PTPRD: variants seen among roughly 807,000 people sequenced by gnomAD.
PTPRD encodes protein tyrosine phosphatase receptor type D, also known as receptor-type tyrosine-protein phosphatase delta.
In PTPRD, 34 loss-of-function variants were observed where a neutral mutation model predicts 214.5. The observed-to-expected ratio is 0.16, with a 90% CI of 0.12 to 0.21. The LOEUF (loss-of-function observed/expected upper bound fraction) is 0.21, where lower values mean the gene tolerates loss of function less well. Ranked by LOEUF, PTPRD falls within the 10% of genes least tolerant of loss-of-function variation. PTPRD has a pLI of 1.00. For synonymous variants in PTPRD, 1,128 were observed against 845.7 expected (o/e 1.33, Z -5.79); for missense variants, 2,545 against 2,398.7 (o/e 1.06, Z -1.27).
chr9:9,500,580 C>T (rs2096377232), intron 8 of PTPRD, among the ~76,000 whole-genome samples: 1 of 142,068 alleles, frequency 7.0e-6, no homozygotes, highest in Non-Finnish European at 1.5e-5. Context: ...AGAGTGGGTT[C>T]CCTGTGGAAC....
At chr9:9,824,295 A>C (rs2051889623) in intron 5 of PTPRD, among the ~76,000 whole-genome samples, 1 of 151,970 alleles carries the variant, frequency 6.6e-6, no homozygotes, top group Non-Finnish European at 1.5e-5. Flanking sequence ...TACTATTTCT[A>C]CTTTCTTCAT....
chr9:10,204,248 C>T (rs401118), intron 3 of PTPRD, among the ~76,000 whole-genome samples: 22,356 of 152,018 alleles, frequency 0.15, 1,944 homozygotes, highest in East Asian at 0.4. Context: ...GTGAAAATCT[C>T]TTTGGGTTTG....
At chr9:9,164,548 T>C (rs2099897747) in intron 10 of PTPRD, among the ~76,000 whole-genome samples, 1 of 152,202 alleles carries the variant, frequency 6.6e-6, no homozygotes, top group African/African-American at 2.4e-5. Flanking sequence ...GAGGGTATTA[T>C]ACTGCCTTTC....
chr9:8,704,489 C>T (rs1003406357), intron 12 of PTPRD, among the ~76,000 whole-genome samples: 3 of 152,112 alleles, frequency 2.0e-5, no homozygotes, highest in Non-Finnish European at 4.4e-5. Context: ...TGAGTCCTAG[C>T]TCATTACGTA....
chr9:9,513,217 A>C (rs1407696748), intron 8 of PTPRD, among the ~76,000 whole-genome samples: 1 of 151,970 alleles, frequency 6.6e-6, no homozygotes, highest in Non-Finnish European at 1.5e-5. Context: ...AGGATTTCAA[A>C]CAACTATAAA....
chr9:10,504,637 C>T (rs779133733), intron 2 of PTPRD, among the ~76,000 whole-genome samples: 12 of 152,052 alleles, frequency 7.9e-5, no homozygotes, highest in Non-Finnish European at 1.5e-4. Flanking sequence ...ATTGCACAAC[C>T]CTATGAGGTA....
chr9:8,997,467 T>G, intron 11 of PTPRD, among the ~76,000 whole-genome samples: 1 of 152,210 alleles, frequency 6.6e-6, no homozygotes, highest in South Asian at 2.1e-4. Flanking sequence ...TATCTAGTTG[T>G]TGTGGGGCAC....
intron 3 of PTPRD, among the ~76,000 whole-genome samples, chr9:10,274,118 AG>A (rs1371367910): frequency 6.6e-6 from 1 of 152,248 alleles, no homozygotes; most frequent in East Asian, 1.9e-4. Context: ...TAACCTCCAA[AG>A]TTCTGTCCAA....
intron 10 of PTPRD, among the ~76,000 whole-genome samples, chr9:9,022,177 C>T (rs551362952): frequency 2.0e-5 from 3 of 151,872 alleles, no homozygotes; most frequent in Non-Finnish European, 4.4e-5. Flanking sequence ...AAAATGTTAG[C>T]TTACAGTAAG....
intron 9 of PTPRD, among the ~76,000 whole-genome samples, chr9:9,355,851 A>T (rs2053557505): frequency 6.6e-6 from 1 of 151,552 alleles, no homozygotes; most frequent in Non-Finnish European, 1.5e-5. Flanking sequence ...TAAAGGAAAC[A>T]TGAAAAGAGA....
intron 10 of PTPRD, among the ~76,000 whole-genome samples, chr9:9,111,894 C>T (rs1041276715): frequency 2.0e-5 from 3 of 152,014 alleles, no homozygotes; most frequent in Non-Finnish European, 4.4e-5. Flanking sequence ...AAAACCTTTC[C>T]TCTGCTCATT....
At chr9:9,947,556 T>G (rs1316222536) in intron 4 of PTPRD, among the ~76,000 whole-genome samples, 2 of 43,404 alleles carry the variant, frequency 4.6e-5, no homozygotes, top group Non-Finnish European at 7.3e-5. Flanking sequence ...ATATATTATA[T>G]ATATATTTTA....
chr9:8,353,356 C>T (rs961277665), intron 39 of PTPRD, among the ~76,000 whole-genome samples: 22 of 152,084 alleles, frequency 1.4e-4, no homozygotes, highest in African/African-American at 4.8e-4. Context: ...GCTTCTGATC[C>T]GGCTTCTTAA....
At chr9:8,322,813 G>A (rs374073926) in intron 44 of PTPRD, among the ~76,000 whole-genome samples, 1 of 152,136 alleles carries the variant, frequency 6.6e-6, no homozygotes, top group Non-Finnish European at 1.5e-5. Flanking sequence ...AGCTACAGAG[G>A]AGGAGTCAAT....
intron 2 of PTPRD, among the ~76,000 whole-genome samples, chr9:10,367,537 A>G (rs1476886354): frequency 6.6e-6 from 1 of 152,172 alleles, no homozygotes; most frequent in African/African-American, 2.4e-5. Context: ...TGGAAGCCCA[A>G]TGGGGAAATA....
At chr9:9,029,194 G>A (rs1318716308) in intron 10 of PTPRD, among the ~76,000 whole-genome samples, 4 of 151,710 alleles carry the variant, frequency 2.6e-5, no homozygotes, top group Admixed American at 6.6e-5. Flanking sequence ...TTTATAATAT[G>A]ACTACTAGAA....
intron 3 of PTPRD, among the ~76,000 whole-genome samples, chr9:10,113,200 C>T (rs1395267998): frequency 6.6e-6 from 1 of 152,198 alleles, no homozygotes; most frequent in Admixed American, 6.5e-5. Context: ...TTCATAATAA[C>T]TAAACAGGAA....
intron 3 of PTPRD, among the ~76,000 whole-genome samples, chr9:10,238,018 G>A (rs2099634573): frequency 1.4e-5 from 2 of 142,576 alleles, no homozygotes; most frequent in African/African-American, 2.5e-5. Flanking sequence ...CTACAGGGCC[G>A]AGTTCCCATT....
chr9:9,422,632 G>T (rs999469308), intron 8 of PTPRD, among the ~76,000 whole-genome samples: 55 of 152,120 alleles, frequency 3.6e-4, no homozygotes, highest in African/African-American at 1.3e-3. Flanking sequence ...AGTGATGTCA[G>T]ATAGACGCTG....
Sources: allele counts gnomAD v4.1 joint callset (sites outside exome capture counted in the v4.1 genomes callset), GRCh38; gene constraint gnomAD v4.1.1; transcripts MANE v1.5; gene names NCBI Gene and HGNC (gene_info 2026-07-23, HGNC 2026-07-21).